The following RASGRP4 variants were observed in gnomAD, a reference collection of about 807,000 sequenced individuals.
RASGRP4 encodes RAS guanyl releasing protein 4.
Under a neutral mutation model 84.4 loss-of-function variants are expected in RASGRP4, and 52 were observed. The observed-to-expected ratio is 0.62, with a 90% CI of 0.49 to 0.78. The LOEUF is 0.78. Ranked by LOEUF, RASGRP4 falls within the 30% of genes least tolerant of loss-of-function variation. The probability of loss-of-function intolerance (pLI) is 0.00; values close to 1 mark genes in which losing one functional copy is unlikely to be tolerated. For missense variants in RASGRP4, 760 were observed against 886.9 expected, an observed-to-expected ratio of 0.86 and a Z score of 1.82; for synonymous variants, 356 against 359.1, an observed-to-expected ratio of 0.99 and a Z score of 0.10.
chr19:38,412,942 G>T lies in RASGRP4; in HGVS notation c.1524C>A (p.Pro508=), dbSNP rs781137735. 2 of 1,613,978 alleles carry T rather than the reference G, an allele frequency of 1.2e-6. No homozygotes were observed. Among genetic ancestry groups the T allele is most frequent in the Non-Finnish European group, 1.7e-6 (2 of 1,179,824 alleles). ...FPFACHGLHP[P]PRQGRGSFSR... is the part of the protein sequence containing the mutation. ...TCACAACCACTTACCCCTGGCGTGG[G>T]GGTGGGTGAAGCCCATGGCAGGCGA... The change falls in exon 12 of 17, where the codon CCC becomes CCA. Residue 508 remains proline, a synonymous_variant. Transcript: ENST00000615439. The surrounding 1 kb of genome is among the most constrained non-coding windows in gnomAD (Gnocchi z 4.6).
rs781649595 is a variant in RASGRP4 at position 38,410,076 on chromosome 19, G to A, written c.1986C>T (p.Asp662=). The A allele has an allele frequency of 4.5e-5, 72 of 1,612,148 alleles. No homozygotes were observed. Among genetic ancestry groups the A allele is most frequent in the Non-Finnish European group, 6.0e-5 (71 of 1,179,038 alleles). ...GCTTGGAGGATGCAGTTGATGGTGG[G>A]TCCATCACCGGGCAGGGGACCTGGA... The part of the protein sequence containing the change: ...ETDTVPCPVM[D]PPSTASSKLD... The change falls in exon 17 of 17, where the codon GAC becomes GAT. Residue 662 remains aspartate (D), a synonymous_variant. Transcript: ENST00000615439.
chr19:38,419,396 C>T (rs764261409), intron 6 of RASGRP4, among the ~76,000 whole-genome samples: 2 of 152,142 alleles, frequency 1.3e-5, no homozygotes, highest in African/African-American at 2.4e-5. Flanking sequence ...AAGTGCCAGT[C>T]GCTGCAATAA....
intron 1 of RASGRP4, among the ~76,000 whole-genome samples, chr19:38,423,011 ACTT>A (rs1568416311): frequency 6.6e-6 from 1 of 151,374 alleles, no homozygotes; most frequent in Non-Finnish European, 1.5e-5. Context: ...ATTGCCCCCA[ACTT>A]CCTCTTGACT....
At position 38,410,902 on chromosome 19, in the gene RASGRP4, G is replaced by A. The variant is rs748408538; in HGVS notation, c.1949C>T (p.Ser650Phe). ...AWTQTESPHPSWETDTVPCPV... is the reference protein window; with the variant it reads ...AWTQTESPHPFWETDTVPCPV... ...TCTCCTCACCGTATCTGTTTCCCAGGAAGGGTGTGGGGATTCAGTCTGGGT... is the reference window on the plus strand; with the variant it reads ...TCTCCTCACCGTATCTGTTTCCCAGAAAGGGTGTGGGGATTCAGTCTGGGT... The change falls in exon 16 of 17, where the codon TCC (serine) becomes TTC (phenylalanine). Residue 650 changes from serine to phenylalanine, a missense_variant. Ser to Phe is a radical substitution (Grantham distance 155, BLOSUM62 -2). Coordinates refer to ENST00000615439, the MANE Select transcript of RASGRP4 (RefSeq NM_170604.3). 42 of 1,599,084 alleles carry A rather than the reference G, an allele frequency of 2.6e-5. 1 individual carries two copies. The South Asian group carries it at 4.6e-4, about 18-fold the overall frequency.
intron 1 of RASGRP4, among the ~76,000 whole-genome samples, chr19:38,425,122 T>C (rs1971932077): frequency 6.6e-6 from 1 of 151,238 alleles, no homozygotes; most frequent in Non-Finnish European, 1.5e-5. Flanking sequence ...GAGGCAGAGG[T>C]TGCAGTGAGC....
In RASGRP4 at chr19:38,418,578, G is replaced by A; in HGVS notation, c.664-14C>T. The A allele has an allele frequency of 6.7e-7, 1 of 1,497,626 alleles. No individual in the cohort carries two copies. The highest frequency in any genetic ancestry group is 1.3e-5 in the South Asian group (1 of 76,978). The allele number at this position is 1,497,626 out of a possible 1,614,324, so 92.8% of individuals were successfully genotyped here. A position where few individuals can be genotyped will look rare whatever the true frequency, so the allele number is the denominator to read the frequency against. On this transcript the variant is annotated splice_polypyrimidine_tract_variant and intron_variant, in intron 6 of 16. Transcript: ENST00000615439. This position sits in a 1 kb window ranked among gnomAD's most constrained non-coding sequence, Gnocchi z 4.6. The stretch of plus-strand genomic sequence containing the variant: ...CAGGTCCTGGGGCTGGGAGCGAGGT[G>A]GGTGTCAAGGTGGGCCGTGGCGCTC...
chr19:38,424,819 C>T (rs1311371791), intron 1 of RASGRP4, among the ~76,000 whole-genome samples: 1 of 152,008 alleles, frequency 6.6e-6, no homozygotes, highest in African/African-American at 2.4e-5. Flanking sequence ...GGGCACCCAG[C>T]TAGTACCAAA....
intron 1 of RASGRP4, among the ~76,000 whole-genome samples, chr19:38,424,452 C>T (rs1971899695): frequency 6.6e-6 from 1 of 152,022 alleles, no homozygotes; most frequent in Admixed American, 6.6e-5. Flanking sequence ...CAGGGTCTTG[C>T]TCTGTCTCCC....
rs760898144 is a variant in RASGRP4 at position 38,410,924 on chromosome 19, G to A, written c.1927C>T (p.Gln643Ter). ...CAGGAAGGGTGTGGGGATTCAGTCT[G>A]GGTCCAGGCATGGCGAAGCTGGCAC... ...TGCQLRHAWTQTESPHPSWET... is the reference protein window; with the variant it reads ...TGCQLRHAWT Residue 643 changes from glutamine (Q) to a stop codon, truncating the protein, a stop_gained, in exon 16 of 17, where the codon CAG (glutamine) becomes TAG (stop). Transcript: ENST00000615439. LOFTEE classifies it high-confidence loss of function. The A allele has an allele frequency of 2.5e-5, 40 of 1,604,678 alleles. No individual in the cohort carries two copies. The highest frequency in any genetic ancestry group is 3.3e-5 in the Non-Finnish European group (39 of 1,175,806).
At chr19:38,424,937 G>A (rs1328644962) in intron 1 of RASGRP4, among the ~76,000 whole-genome samples, 1 of 151,468 alleles carries the variant, frequency 6.6e-6, no homozygotes, top group Non-Finnish European at 1.5e-5. Context: ...TCTAATCCCA[G>A]CACTTTGGGA....
chr19:38,420,618 G>A (rs1302023644), intron 4 of RASGRP4, among the ~76,000 whole-genome samples: 1 of 151,534 alleles, frequency 6.6e-6, no homozygotes, highest in Admixed American at 6.6e-5. Flanking sequence ...GCTGGGGTCT[G>A]TGGGAGGTAG....
Position 38,413,245 on chromosome 19 carries a change from G to A in RASGRP4, c.1364C>T (p.Thr455Ile), listed in dbSNP as rs1328446642. Residue 455 changes from threonine (T) to isoleucine (I), a missense_variant, in exon 11 of 17, where the codon ACA becomes ATA. Physicochemically the swap from Thr to Ile is moderately conservative, Grantham distance 89. Transcript: ENST00000615439. The surrounding 1 kb of genome is among the most constrained non-coding windows in gnomAD (Gnocchi z 4.7). ...CAGTGTGACCCTGTCCGGCTTGGGT[G>A]TCACACCAGGGGCCCACTCCACCAC... ...PLVVEWAPGVTPKPDRVTLGR... is the reference protein window; with the variant it reads ...PLVVEWAPGVIPKPDRVTLGR... The A allele has an allele frequency of 6.2e-7, 1 of 1,613,838 alleles. No homozygotes were observed. Among genetic ancestry groups the A allele is most frequent in the South Asian group, 1.1e-5 (1 of 91,080 alleles).
Position 38,417,212 on chromosome 19 carries a change from G to T in RASGRP4, c.838-44C>A, listed in dbSNP as rs767220227. On this transcript the variant is annotated intron_variant, in intron 7 of 16. Coordinates refer to ENST00000615439, the MANE Select transcript of RASGRP4 (RefSeq NM_170604.3). This position sits in a 1 kb window ranked among gnomAD's most constrained non-coding sequence, Gnocchi z 5.1. Reference sequence around the variant, plus strand: ...ACACAGGGCCGTCACGGGAGGGAGGGCAAGTCAGGAGTTCAGATGACAGCA... The same window carrying T: ...ACACAGGGCCGTCACGGGAGGGAGGTCAAGTCAGGAGTTCAGATGACAGCA... 1 of 1,301,940 alleles carries T rather than the reference G, an allele frequency of 7.7e-7. No homozygotes were observed. Among genetic ancestry groups the T allele is most frequent in the Non-Finnish European group, 1.1e-6 (1 of 919,628 alleles). 80.6% of individuals were successfully genotyped at this position (1,301,940 alleles called of 1,614,324 possible).
chr19:38,417,123 CT>C lies in RASGRP4; in HGVS notation c.882del (p.Gly296AlafsTer17). ...GAGATGGCACTGTGACACAGGCCCC[CT>C]GTGACTGCCATCAGCGTGTTGAAAT... is the stretch of plus-strand genomic sequence containing the variant. The part of the protein sequence containing the change: ...LQNFNTLMAV[T>X]GGLCHSAISR... On this transcript the variant is annotated frameshift_variant, in exon 8 of 17. Transcript: ENST00000615439. LOFTEE classifies it high-confidence loss of function. This position sits in a 1 kb window ranked among gnomAD's most constrained non-coding sequence, Gnocchi z 5.1. The C allele has an allele frequency of 2.6e-6, 4 of 1,564,634 alleles. No individual in the cohort carries two copies. The highest frequency in any genetic ancestry group is 2.6e-6 in the Non-Finnish European group (3 of 1,154,448).
chr19:38,425,312 T>C (rs1261135775), intron 1 of RASGRP4, among the ~76,000 whole-genome samples: 1 of 152,086 alleles, frequency 6.6e-6, no homozygotes, highest in East Asian at 1.9e-4. Flanking sequence ...GAGTGTCTCA[T>C]TGAGTACTTA....
chr19:38,419,435 G>T (rs891385327), intron 6 of RASGRP4, among the ~76,000 whole-genome samples: 31 of 152,020 alleles, frequency 2.0e-4, no homozygotes, highest in East Asian at 3.9e-4. Context: ...TTACTTTTTT[G>T]TTGTTGTTGT....
rs1371229313 is a variant in RASGRP4 at position 38,419,892 on chromosome 19, A to T, written c.631T>A (p.Tyr211Asn). Residue 211 changes from tyrosine to asparagine, a missense_variant, in exon 6 of 17, where the codon TAC (tyrosine) becomes AAC (asparagine). Transcript: ENST00000615439. Reference protein sequence around the residue: ...ETGELAQHLTYLEFRSFQAIT... With the variant: ...ETGELAQHLTNLEFRSFQAIT... ...GCCTGGAAGGACCGGAACTCCAGGT[A>T]GGTGAGGTGCTGAGCCAGCTCCCCC... 1 of 1,607,686 alleles carries T rather than the reference A, an allele frequency of 6.2e-7. No individual in the cohort carries two copies. Among genetic ancestry groups the T allele is most frequent in the South Asian group, 1.1e-5 (1 of 89,980 alleles).
Position 38,412,792 on chromosome 19 carries a change from C to A in RASGRP4, c.1560G>T (p.Glu520Asp), listed in dbSNP as rs1971319047. 4 of 1,606,612 alleles carry A rather than the reference C, an allele frequency of 2.5e-6. No individual in the cohort carries two copies. The highest frequency in any genetic ancestry group is 3.4e-6 in the Non-Finnish European group (4 of 1,176,534). ...TGGCCCGGAGCAGGTACCCTGTCAG[C>A]TCCTCTCTGCTGAAGGATCCTCTCC... ...RQGRGSFSRE[E>D]LTGYLLRASA... Residue 520 changes from glutamate (E) to aspartate (D), a missense_variant, in exon 13 of 17, where the codon GAG (glutamate) becomes GAT (aspartate). Physicochemically the swap from Glu to Asp is conservative, Grantham distance 45. Transcript: ENST00000615439. This position sits in a 1 kb window ranked among gnomAD's most constrained non-coding sequence, Gnocchi z 4.6.
chr19:38,421,914 C>G (rs758366333), intron 2 of RASGRP4, 55 bp downstream of exon 2: 4 of 1,501,064 alleles, frequency 2.7e-6, no homozygotes, highest in Non-Finnish European at 3.6e-6. Context: ...TGGAGAGAAG[C>G]GAGTGCTGAG....
Sources: gnomAD v4.1 joint callset for allele counts (sites outside exome capture counted in the v4.1 genomes callset) on GRCh38, gnomAD v4.1.1 for gene constraint, Gnocchi (gnomAD v3.1) non-coding constraint, MANE v1.5 for transcripts, NCBI Gene and HGNC (gene_info 2026-07-23, HGNC 2026-07-21) for gene names.